The following C12orf43 variants were observed in gnomAD, a reference collection of about 807,000 sequenced individuals.
The protein encoded by C12orf43 is protein CUSTOS.
Under a neutral mutation model 20.6 loss-of-function variants are expected in C12orf43, and 15 were observed. That is an observed-to-expected ratio of 0.73 (90% confidence interval 0.49 to 1.12). C12orf43 has a LOEUF of 1.12. Among genes scored for constraint, C12orf43 ranks in the 50% most tolerant of loss-of-function variants. The pLI is 0.00. For synonymous variants in C12orf43, 144 were observed against 130.8 expected, an observed-to-expected ratio of 1.10 and a Z score of -0.69; for missense variants, 334 against 344.4, an observed-to-expected ratio of 0.97 and a Z score of 0.24.
chr12:121,004,921 T>C lies in C12orf43; in HGVS notation c.452+82A>G. 1 of 1,043,456 alleles carries C rather than the reference T, an allele frequency of 9.6e-7. No homozygotes were observed. The highest frequency in any genetic ancestry group is 1.3e-6 in the Non-Finnish European group (1 of 765,070). 64.6% of individuals were successfully genotyped at this position (1,043,456 alleles called of 1,614,324 possible). ...TGCCTTGGCCTGGTCCTGACTGGAG[T>C]CTGCTTGGCTATTCCAGGGAACCCA... On this transcript the variant is annotated intron_variant, in intron 5 of 5. Transcript: ENST00000288757. This position sits in a 1 kb window ranked among gnomAD's most constrained non-coding sequence, Gnocchi z 5.6.
intron 1 of C12orf43, among the ~76,000 whole-genome samples, chr12:121,013,195 A>T (rs748905422): frequency 1.3e-5 from 2 of 152,186 alleles, no homozygotes; most frequent in Non-Finnish European, 2.9e-5. Flanking sequence ...GGAGGTGGGT[A>T]ATGTGGGGGC....
chr12:121,014,047 G>A (rs1868638696), intron 1 of C12orf43, among the ~76,000 whole-genome samples: 1 of 152,222 alleles, frequency 6.6e-6, no homozygotes, highest in Admixed American at 6.5e-5. Flanking sequence ...TGTAATCTAG[G>A]CTGGGTGTGG....
At position 121,003,690 on chromosome 12, in the gene C12orf43, A is replaced by C. The variant is rs1185464962; in HGVS notation, c.*463T>G. 6.0e-6 allele frequency: 1 copy of C among 167,314 alleles called. No homozygotes were observed. The highest frequency in any genetic ancestry group is 1.3e-5 in the Non-Finnish European group (1 of 77,382). The allele number at this position is 167,314 out of a possible 1,614,324, so 10.4% of individuals were successfully genotyped here. The stretch of plus-strand genomic sequence containing the variant: ...ATGTGGGCTAAGGAGAGAAGAACAA[A>C]AGTTTCTCTGGGCCTTGGCCTCTTG... On this transcript the variant is annotated 3_prime_UTR_variant, in exon 6 of 6. Transcript: ENST00000288757.
chr12:121,016,129 C>T (rs1868883370), intron 1 of C12orf43: 1 of 833,576 alleles, frequency 1.2e-6, no homozygotes, highest in African/African-American at 1.7e-5. Context: ...ATTTGGGTAC[C>T]TCAGCTTCCC....
intron 1 of C12orf43, among the ~76,000 whole-genome samples, chr12:121,013,200 G>C: frequency 6.6e-6 from 1 of 152,196 alleles, no homozygotes; most frequent in African/African-American, 2.4e-5. Flanking sequence ...TGGGTAATGT[G>C]GGGGCCTGGA....
At chr12:121,012,849 T>TAAAAAAAAAAAAAAAAAAAAAAAA (rs10636003) in intron 1 of C12orf43, among the ~76,000 whole-genome samples, 2 of 91,990 alleles carry the variant, frequency 2.2e-5, no homozygotes, top group Admixed American at 1.2e-4. Context: ...AGACTCCGTC[T>TAAAAAAAAAAAAAAAAAAAAAAAA]AAAAAAAAAA....
intron 3 of C12orf43, among the ~76,000 whole-genome samples, chr12:121,010,531 T>C (rs1403578926): frequency 1.3e-5 from 2 of 152,046 alleles, no homozygotes; most frequent in African/African-American, 4.8e-5. Context: ...AATGAGAAAA[T>C]GGACATCAAG....
rs1179118852 is a variant in C12orf43, at chr12:121,004,309, G to C, written c.633C>G (p.Thr211=). The C allele has an allele frequency of 6.2e-7, 1 of 1,614,140 alleles. No individual in the cohort carries two copies. The highest frequency in any genetic ancestry group is 8.5e-7 in the Non-Finnish European group (1 of 1,180,032). ...TCTGGACTGTGGCCATGCTGGTGGG[G>C]GTGGTGGCAGCGACAGCCGAGTCGA... ...ASVDSAVAAT[T]PTSMATVQKQ... The change falls in exon 6 of 6, where the codon ACC becomes ACG. Residue 211 remains threonine, a synonymous_variant. Coordinates refer to ENST00000288757, the MANE Select transcript of C12orf43 (RefSeq NM_022895.3). This position sits in a 1 kb window ranked among gnomAD's most constrained non-coding sequence, Gnocchi z 5.6.
In C12orf43 at chr12:121,000,541, G is replaced by C. The variant is rs976280802; in HGVS notation, c.*3612C>G. On this transcript the variant is annotated 3_prime_UTR_variant, in exon 6 of 6. Coordinates refer to ENST00000288757, the MANE Select transcript of C12orf43 (RefSeq NM_022895.3). ...TTTGAAGGACTTGGCCCGTGTCTGC[G>C]GGGGGCTGGCAGGCCTGAAATCTGT... 1 of 199,778 alleles carries C rather than the reference G, an allele frequency of 5.0e-6. No homozygotes were observed. Among genetic ancestry groups the C allele is most frequent in the Admixed American group, 5.3e-5 (1 of 18,706 alleles). 12.4% of individuals were successfully genotyped at this position (199,778 alleles called of 1,614,324 possible). A position where few individuals can be genotyped will look rare whatever the true frequency, so the allele number is the denominator to read the frequency against.
chr12:121,005,691 C>T lies in C12orf43; in HGVS notation c.362-598G>A, dbSNP rs113079014. Among the ~76,000 whole-genome samples, 3,820 of 152,302 alleles carry T rather than the reference C, an allele frequency of 0.025. 169 individuals carry two copies. The highest frequency in any genetic ancestry group is 0.087 in the African/African-American group (3,610 of 41,552). On this transcript the variant is annotated intron_variant, in intron 4 of 5. Coordinates refer to ENST00000288757, the MANE Select transcript of C12orf43 (RefSeq NM_022895.3). This position sits in a 1 kb window ranked among gnomAD's most constrained non-coding sequence, Gnocchi z 5.6. ...GTGCTCCTGCTCAGGGTGACACAGACGAGGCCGCCTCAGGCAAATGACTTC... is the reference window on the plus strand; with the variant it reads ...GTGCTCCTGCTCAGGGTGACACAGATGAGGCCGCCTCAGGCAAATGACTTC...
chr12:121,002,350 C>T lies in C12orf43; in HGVS notation c.*1803G>A. On this transcript the variant is annotated 3_prime_UTR_variant, in exon 6 of 6. Transcript: ENST00000288757. The stretch of plus-strand genomic sequence containing the variant: ...CCCAGGACAAGCATGGTCCCACATC[C>T]CTGGGCCTGCTGCTGAGAACCTGGC... The T allele has an allele frequency of 2.1e-6, 1 of 484,502 alleles. No homozygotes were observed. Among genetic ancestry groups the T allele is most frequent in the Non-Finnish European group, 4.0e-6 (1 of 252,880 alleles). 30.0% of individuals were successfully genotyped at this position (484,502 alleles called of 1,614,324 possible). A position where few individuals can be genotyped will look rare whatever the true frequency, so the allele number is the denominator to read the frequency against.
chr12:121,000,813 C>T lies in C12orf43; in HGVS notation c.*3340G>A, dbSNP rs1877406084. On this transcript the variant is annotated 3_prime_UTR_variant, in exon 6 of 6. Coordinates refer to ENST00000288757, the MANE Select transcript of C12orf43 (RefSeq NM_022895.3). ...AGCCAACACGTACAACTACCTACCT[C>T]GGCATCTCACCGGGGCTTCTCCAGT... is the stretch of plus-strand genomic sequence containing the variant. The T allele has an allele frequency of 7.5e-6, 4 of 530,544 alleles. No individual in the cohort carries two copies. Among genetic ancestry groups the T allele is most frequent in the Admixed American group, 6.1e-5 (2 of 32,770 alleles). The allele number at this position is 530,544 out of a possible 1,614,324, so 32.9% of individuals were successfully genotyped here. A position where few individuals can be genotyped will look rare whatever the true frequency, so the allele number is the denominator to read the frequency against.
rs762649423 is a variant in C12orf43, at chr12:121,000,606, C to A, written c.*3547G>T. 5 of 237,330 alleles carry A rather than the reference C, an allele frequency of 2.1e-5. No individual in the cohort carries two copies. The highest frequency in any genetic ancestry group is 2.5e-5 in the Non-Finnish European group (3 of 119,102). The allele number at this position is 237,330 out of a possible 1,614,324, so 14.7% of individuals were successfully genotyped here. A position where few individuals can be genotyped will look rare whatever the true frequency, so the allele number is the denominator to read the frequency against. ...GGGAGTGAATTCTGCAGCCTTGAGG[C>A]AGAATTCCTTCTCTGGGAAACCGGT... On this transcript the variant is annotated 3_prime_UTR_variant, in exon 6 of 6. Coordinates refer to ENST00000288757, the MANE Select transcript of C12orf43 (RefSeq NM_022895.3).
In C12orf43 at chr12:121,012,840, G is replaced by C. The variant is rs1201649764; in HGVS notation, c.146-1694C>G. Among the ~76,000 whole-genome samples the C allele has an allele frequency of 2.2e-4, 22 of 98,982 alleles. No homozygotes were observed. In the Admixed American group the frequency reaches 2.9e-3, roughly 13 times the overall value. The allele number at this position is 98,982 out of a possible 152,430, so 64.9% of individuals were successfully genotyped here. Reference sequence around the variant, plus strand: ...GCACTCCAGCCTGGTGACAGAGCAAGACTCCGTCTAAAAAAAAAAAAAAAA... The same window carrying C: ...GCACTCCAGCCTGGTGACAGAGCAACACTCCGTCTAAAAAAAAAAAAAAAA... On this transcript the variant is annotated intron_variant, in intron 1 of 5. Coordinates refer to ENST00000288757, the MANE Select transcript of C12orf43 (RefSeq NM_022895.3).
chr12:121,013,832 G>T (rs1868619504), intron 1 of C12orf43, among the ~76,000 whole-genome samples: 1 of 152,180 alleles, frequency 6.6e-6, no homozygotes, highest in African/African-American at 2.4e-5. Flanking sequence ...CTGGGTTTAC[G>T]CCTGGTTCTG....
rs1032348106 is a variant in C12orf43 at position 121,004,363 on chromosome 12, C to T, written c.579G>A (p.Leu193=). 1 of 1,614,064 alleles carries T rather than the reference C, an allele frequency of 6.2e-7. No individual in the cohort carries two copies. Among genetic ancestry groups the T allele is most frequent in the Non-Finnish European group, 8.5e-7 (1 of 1,180,042 alleles). ...VEKEAKKKRK[L]KKKAKKVASV... ...TGGCCACCTTCTTGGCTTTCTTTTT[C>T]AACTTCCTTTTCTTCTTTGCCTCCT... The change falls in exon 6 of 6, where the codon TTG becomes TTA. Residue 193 remains leucine, a synonymous_variant. Coordinates refer to ENST00000288757, the MANE Select transcript of C12orf43 (RefSeq NM_022895.3). The surrounding 1 kb of genome is among the most constrained non-coding windows in gnomAD (Gnocchi z 5.6).
intron 1 of C12orf43, among the ~76,000 whole-genome samples, chr12:121,015,616 C>A (rs1000440254): frequency 1.3e-5 from 2 of 152,134 alleles, no homozygotes; most frequent in Non-Finnish European, 2.9e-5. Flanking sequence ...CATTTTAAAT[C>A]AGGGATGAGT....
At position 121,002,525 on chromosome 12, in the gene C12orf43, CCA is replaced by C. The variant is rs1877580599; in HGVS notation, c.*1626_*1627del. 1 of 502,628 alleles carries C rather than the reference CCA, an allele frequency of 2.0e-6. No homozygotes were observed. Among genetic ancestry groups the C allele is most frequent in the Admixed American group, 2.3e-5 (1 of 43,600 alleles). The allele number at this position is 502,628 out of a possible 1,614,324, so 31.1% of individuals were successfully genotyped here. Reference sequence around the variant, plus strand: ...AATGCGGTGGAAACTTCTTGCTTGTCCACAAATCATTCAGATGGGGTTTGGGC... The same window carrying C: ...AATGCGGTGGAAACTTCTTGCTTGTCCAAATCATTCAGATGGGGTTTGGGC... On this transcript the variant is annotated 3_prime_UTR_variant, in exon 6 of 6. Coordinates refer to ENST00000288757, the MANE Select transcript of C12orf43 (RefSeq NM_022895.3).
rs757837272 is a variant in C12orf43, at chr12:121,004,490, C to T, written c.453-1G>A. On this transcript the variant is annotated splice_acceptor_variant, in intron 5 of 5. Coordinates refer to ENST00000288757, the MANE Select transcript of C12orf43 (RefSeq NM_022895.3). LOFTEE classifies it high-confidence loss of function. The surrounding 1 kb of genome is among the most constrained non-coding windows in gnomAD (Gnocchi z 5.6). ...CCGCCACTCCTCGTCACTGTCCTCACTGCTGCAACGAGAGGGTACCCTGGG... is the reference window on the plus strand; with the variant it reads ...CCGCCACTCCTCGTCACTGTCCTCATTGCTGCAACGAGAGGGTACCCTGGG... 6.3e-7 allele frequency: 1 copy of T among 1,593,330 alleles called. No homozygotes were observed. Among genetic ancestry groups the T allele is most frequent in the Non-Finnish European group, 8.5e-7 (1 of 1,170,706 alleles).
Sources: allele counts gnomAD v4.1 joint callset (sites outside exome capture counted in the v4.1 genomes callset), GRCh38; gene constraint gnomAD v4.1.1; non-coding constraint Gnocchi (gnomAD v3.1); transcripts MANE v1.5; gene names NCBI Gene and HGNC (gene_info 2026-07-23, HGNC 2026-07-21).